Variants in COL4A4 observed in about 807,000 individuals in gnomAD.
The protein encoded by COL4A4 is collagen type IV alpha 4 chain.
In COL4A4, 105 loss-of-function variants were observed where a neutral mutation model predicts 192.9. The ratio of observed to expected loss-of-function variants is 0.54; its 90% CI spans 0.46 to 0.64. The LOEUF is 0.64. Among genes scored for constraint, COL4A4 ranks in the 30% least tolerant of loss-of-function variants. The pLI is 0.00. For synonymous variants in COL4A4, 762 were observed against 769.9 expected (o/e 0.99, Z 0.17); for missense variants, 1,967 against 2,169.3 (o/e 0.91, Z 1.85).
the COL4A4 span, among the ~76,000 whole-genome samples, chr2:226,975,265 A>G: frequency 6.6e-6 from 1 of 152,130 alleles, no homozygotes; most frequent in Non-Finnish European, 1.5e-5. Context: ...TGATTGTGGT[A>G]CTCATTTCAC....
chr2:226,991,757 A>G, the COL4A4 span, among the ~76,000 whole-genome samples: 1 of 152,332 alleles, frequency 6.6e-6, no homozygotes, highest in East Asian at 1.9e-4. Context: ...TGTGTAGCTA[A>G]AAAGTGGAGG....
At chr2:227,020,379 G>A (rs370565031) in intron 44 of COL4A4, among the ~76,000 whole-genome samples, 22 of 152,062 alleles carry the variant, frequency 1.4e-4, no homozygotes, top group Non-Finnish European at 2.8e-4. Context: ...CAGTTCTCAC[G>A]GGCCGTTAAA....
chr2:227,002,168 CAAAAAAAAAAAA>C (rs55908824), downstream of COL4A4, among the ~76,000 whole-genome samples: 9 of 76,172 alleles, frequency 1.2e-4, no homozygotes, highest in South Asian at 5.4e-4. Flanking sequence ...GACCCTGTCT[CAAAAAAAAAAAA>C]AAAAAAAAAA....
chr2:227,109,187 G>A (rs1307305283), intron 10 of COL4A4, 37 bp downstream of exon 10: 10 of 1,590,640 alleles, frequency 6.3e-6, no homozygotes, highest in Non-Finnish European at 8.6e-6. Flanking sequence ...GTAGAATCTG[G>A]TTTTTAAAGG....
intron 37 of COL4A4, among the ~76,000 whole-genome samples, chr2:227,038,987 A>G (rs1034843944): frequency 1.3e-5 from 2 of 152,222 alleles, no homozygotes; most frequent in African/African-American, 4.8e-5. Context: ...GTGTCACTAT[A>G]TGGTGATGGA....
rs766619245 is a variant in COL4A4 at position 227,078,024 on chromosome 2, G to A, written c.1857C>T (p.Gly619=). Residue 619 remains glycine, a synonymous_variant, in exon 25 of 48, where the codon GGC becomes GGT. Transcript: ENST00000396625. The part of the protein sequence containing the change: ...PGGKGFPGPL[G]PPGKAGPVGP... ...CCACAGGTCCTGCTTTGCCTGGGGG[G>A]CCCAGAGGTCCAGGAAATCCTTTAC... 32 of 1,613,846 alleles carry A rather than the reference G, an allele frequency of 2.0e-5. 1 individual carries two copies. The South Asian group carries it at 2.3e-4, about 12-fold the overall frequency.
chr2:227,138,570 G>T (rs527739479), intron 4 of COL4A4, among the ~76,000 whole-genome samples: 2 of 149,762 alleles, frequency 1.3e-5, no homozygotes, highest in Non-Finnish European at 3.0e-5. Flanking sequence ...GAGGCGGAGC[G>T]TGCAGTGAGC....
Position 227,062,424 on chromosome 2 carries a change from A to T in COL4A4, c.2056+106T>A, listed in dbSNP as rs1274076885. 10 of 762,430 alleles carry T rather than the reference A, an allele frequency of 1.3e-5. No individual in the cohort carries two copies. In the African/African-American group the frequency reaches 1.4e-4, roughly 11 times the overall value. 47.2% of individuals were successfully genotyped at this position (762,430 alleles called of 1,614,324 possible). On this transcript the variant is annotated intron_variant, in intron 26 of 47. Coordinates refer to ENST00000396625, the MANE Select transcript of COL4A4 (RefSeq NM_000092.5). ...ATCCATGGTCCCTCAAAACTTCAGA[A>T]ATGTCCTAACTAGTCTGAGGATTCA...
downstream of COL4A4, among the ~76,000 whole-genome samples, chr2:227,000,349 A>C (rs185413725): frequency 6.6e-6 from 1 of 152,244 alleles, no homozygotes; most frequent in Non-Finnish European, 1.5e-5. Context: ...TTCAGTGCGC[A>C]CAAGTGCATT....
chr2:226,992,804 G>A, the COL4A4 span, among the ~76,000 whole-genome samples: 2 of 152,186 alleles, frequency 1.3e-5, no homozygotes, highest in Non-Finnish European at 2.9e-5. Flanking sequence ...CGATGGCCAC[G>A]TGGGGAAGTG....
intron 19 of COL4A4, 84 bp downstream of exon 19, chr2:227,098,610 C>T (rs2060333206): frequency 9.8e-7 from 1 of 1,019,794 alleles, no homozygotes; most frequent in Non-Finnish European, 1.5e-6. Context: ...ATTCCAATAT[C>T]AGCTACAGTT....
chr2:227,036,636 G>A (rs1484723699), intron 37 of COL4A4, among the ~76,000 whole-genome samples: 1 of 152,214 alleles, frequency 6.6e-6, no homozygotes, highest in Non-Finnish European at 1.5e-5. Context: ...CACTAAGGGT[G>A]TAAGATATGG....
intron 9 of COL4A4, among the ~76,000 whole-genome samples, chr2:227,111,301 C>T (rs1044322235): frequency 6.6e-6 from 1 of 152,072 alleles, no homozygotes; most frequent in African/African-American, 2.4e-5. Context: ...AGAAGCAATG[C>T]AAGATTATTC....
At chr2:227,037,321 T>G (rs879911052) in intron 37 of COL4A4, among the ~76,000 whole-genome samples, 1 of 152,108 alleles carries the variant, frequency 6.6e-6, no homozygotes, top group Non-Finnish European at 1.5e-5. Flanking sequence ...CACTTATGAG[T>G]GAGAACATGT....
chr2:227,062,573 G>C lies in COL4A4; in HGVS notation c.2013C>G (p.Thr671=), dbSNP rs766076192. Residue 671 remains threonine (T), a synonymous_variant, in exon 26 of 48, where the codon ACC becomes ACG. Coordinates refer to ENST00000396625, the MANE Select transcript of COL4A4 (RefSeq NM_000092.5). ...CTGGAGGGCCATGCCTCCCAGGGTA[G>C]GTTACGTTGCAAGAAATTGTGTCAC... ...QKGDTISCNV[T]YPGRHGPPGF... The C allele has an allele frequency of 6.2e-7, 1 of 1,613,214 alleles. No homozygotes were observed. Among genetic ancestry groups the C allele is most frequent in the Non-Finnish European group, 8.5e-7 (1 of 1,179,302 alleles).
the COL4A4 span, chr2:226,988,651 A>C: frequency 1.0e-6 from 1 of 985,310 alleles, no homozygotes; most frequent in Middle Eastern, 5.2e-4. Context: ...TCTGAGAGGA[A>C]GGTAGGATTT....
At chr2:227,102,122 T>C (rs2060557840) in intron 15 of COL4A4, among the ~76,000 whole-genome samples, 1 of 152,268 alleles carries the variant, frequency 6.6e-6, no homozygotes, top group Non-Finnish European at 1.5e-5. Context: ...AAAAAATCCA[T>C]GTCATTGCCA....
intron 7 of COL4A4, among the ~76,000 whole-genome samples, chr2:227,115,679 C>G (rs76471600): frequency 0.035 from 5,303 of 152,222 alleles, 304 homozygotes; most frequent in African/African-American, 0.12. Flanking sequence ...GTTAATCTCT[C>G]TTAGAGGAGT....
At chr2:227,156,944 AAGAC>A (rs1484693518) in intron 1 of COL4A4, among the ~76,000 whole-genome samples, 1 of 152,216 alleles carries the variant, frequency 6.6e-6, no homozygotes, top group African/African-American at 2.4e-5. Context: ...AATACCAGTT[AAGAC>A]ACAGAAGATC....
Sources: allele counts gnomAD v4.1 joint callset (sites outside exome capture counted in the v4.1 genomes callset), GRCh38; gene constraint gnomAD v4.1.1; transcripts MANE v1.5; gene names NCBI Gene and HGNC (gene_info 2026-07-23, HGNC 2026-07-21).